EPHA3: variants seen among roughly 807,000 people sequenced by gnomAD.
The protein encoded by EPHA3 is EPH receptor A3.
In EPHA3, 42 loss-of-function variants were observed where a neutral mutation model predicts 107.1. That is an observed-to-expected ratio of 0.39 (90% CI 0.31 to 0.51). EPHA3 has a LOEUF of 0.51. EPHA3 is among the 20% of genes least tolerant of loss of function. The pLI, the probability that EPHA3 is intolerant of heterozygous loss-of-function variation, is 0.78. For missense variants in EPHA3, 1,183 were observed against 1,211.2 expected, an observed-to-expected ratio of 0.98 and a Z score of 0.35; for synonymous variants, 461 against 424.8, an observed-to-expected ratio of 1.09 and a Z score of -1.05.
At chr3:89,299,396 G>C (rs2107343164) in intron 3 of EPHA3, among the ~76,000 whole-genome samples, 1 of 151,844 alleles carries the variant, frequency 6.6e-6, no homozygotes, top group East Asian at 1.9e-4. Context: ...TAAGATGAAT[G>C]AAATTTTAAT....
At chr3:89,195,542 A>G (rs1705818648) in intron 2 of EPHA3, among the ~76,000 whole-genome samples, 1 of 152,288 alleles carries the variant, frequency 6.6e-6, no homozygotes, top group Admixed American at 6.5e-5. Context: ...TTAGCTTAAA[A>G]CCTCAGAGTC....
At chr3:89,121,511 C>A (rs1707384332) in intron 1 of EPHA3, among the ~76,000 whole-genome samples, 1 of 152,044 alleles carries the variant, frequency 6.6e-6, no homozygotes, top group Admixed American at 6.5e-5. Flanking sequence ...GTAATCTCAG[C>A]ACTTTGGGAG....
At chr3:89,140,407 T>C (rs1704406622) in intron 2 of EPHA3, among the ~76,000 whole-genome samples, 1 of 151,842 alleles carries the variant, frequency 6.6e-6, no homozygotes, top group Admixed American at 6.6e-5. Context: ...CTCTAAATTG[T>C]TGGCTTTATT....
chr3:89,345,906 G>T (rs1707639619), intron 5 of EPHA3, among the ~76,000 whole-genome samples: 1 of 145,456 alleles, frequency 6.9e-6, no homozygotes, highest in African/African-American at 2.5e-5. Flanking sequence ...TGAGAATGAT[G>T]ATTTCCAATT....
At chr3:89,151,732 G>T (rs1293363175) in intron 2 of EPHA3, among the ~76,000 whole-genome samples, 1 of 151,936 alleles carries the variant, frequency 6.6e-6, no homozygotes, top group Non-Finnish European at 1.5e-5. Flanking sequence ...AATCAAACAT[G>T]GATATGTGTA....
chr3:89,395,262 C>T (rs1204366477), intron 5 of EPHA3, among the ~76,000 whole-genome samples: 2 of 152,062 alleles, frequency 1.3e-5, no homozygotes, highest in Non-Finnish European at 2.9e-5. Context: ...TGTTCCTTTT[C>T]TTTGTAGTCA....
chr3:89,262,148 C>A (rs1324527830), intron 3 of EPHA3, among the ~76,000 whole-genome samples: 2 of 152,054 alleles, frequency 1.3e-5, no homozygotes, highest in African/African-American at 2.4e-5. Context: ...GTAATATCAA[C>A]TCCAACTGTT....
At chr3:89,412,092 A>G (rs3805091) in intron 9 of EPHA3, among the ~76,000 whole-genome samples, 1 of 151,836 alleles carries the variant, frequency 6.6e-6, no homozygotes, top group Non-Finnish European at 1.5e-5. Flanking sequence ...AATTTCCTTT[A>G]ATTTTAGATC....
chr3:89,151,748 G>C (rs575724621), intron 2 of EPHA3, among the ~76,000 whole-genome samples: 1 of 152,002 alleles, frequency 6.6e-6, no homozygotes, highest in African/African-American at 2.4e-5. Flanking sequence ...GTGTATAAAC[G>C]CACAAATTCT....
chr3:89,293,749 G>A (rs1196456782), intron 3 of EPHA3, among the ~76,000 whole-genome samples: 2 of 152,072 alleles, frequency 1.3e-5, no homozygotes, highest in Admixed American at 6.6e-5. Flanking sequence ...ACGATTGTAA[G>A]TTTCCTGAGG....
intron 3 of EPHA3, among the ~76,000 whole-genome samples, chr3:89,280,025 C>CTG (rs59488710): frequency 0.061 from 8,895 of 144,638 alleles, 319 homozygotes; most frequent in African/African-American, 0.11. Context: ...TTGTGTGCAC[C>CTG]TGTGTGTGTG....
chr3:89,405,723 CTCT>C (rs1197489201), intron 7 of EPHA3, among the ~76,000 whole-genome samples: 1 of 152,126 alleles, frequency 6.6e-6, no homozygotes, highest in Non-Finnish European at 1.5e-5. Context: ...CTAAAATCTG[CTCT>C]TCTTTTGAGT....
intron 16 of EPHA3, among the ~76,000 whole-genome samples, chr3:89,474,967 G>A (rs1211795295): frequency 6.6e-6 from 1 of 152,076 alleles, no homozygotes; most frequent in Non-Finnish European, 1.5e-5. Flanking sequence ...CAGGTGGTAT[G>A]GATATGTCCA....
At chr3:89,443,173 T>C (rs943700374) in intron 13 of EPHA3, among the ~76,000 whole-genome samples, 1 of 152,180 alleles carries the variant, frequency 6.6e-6, no homozygotes, top group Non-Finnish European at 1.5e-5. Flanking sequence ...TTTAATTAAT[T>C]GTATTTTTAG....
intron 5 of EPHA3, among the ~76,000 whole-genome samples, chr3:89,386,563 G>A (rs1708627287): frequency 6.6e-6 from 1 of 152,208 alleles, no homozygotes; most frequent in Non-Finnish European, 1.5e-5. Flanking sequence ...TGCTGCAGGG[G>A]CAGAGCCCTC....
chr3:89,434,846 C>T (rs1709635584), intron 13 of EPHA3, among the ~76,000 whole-genome samples: 1 of 152,064 alleles, frequency 6.6e-6, no homozygotes, highest in Admixed American at 6.6e-5. Flanking sequence ...GCTCATTCAC[C>T]ACCAATAAAT....
chr3:89,252,658 A>AAGTC (rs755965553), intron 3 of EPHA3, among the ~76,000 whole-genome samples: 6 of 152,168 alleles, frequency 3.9e-5, no homozygotes, highest in Non-Finnish European at 8.8e-5. Context: ...TGAGCCCAGG[A>AAGTC]AGTCAAAGGG....
At chr3:89,289,795 G>A (rs377710942) in intron 3 of EPHA3, among the ~76,000 whole-genome samples, 18 of 152,110 alleles carry the variant, frequency 1.2e-4, no homozygotes, top group African/African-American at 4.3e-4. Context: ...AAAAGGCTGC[G>A]ATTCCTACCC....
intron 3 of EPHA3, among the ~76,000 whole-genome samples, chr3:89,284,512 G>A (rs1380347842): frequency 6.6e-6 from 1 of 151,602 alleles, no homozygotes; most frequent in Non-Finnish European, 1.5e-5. Context: ...TTAAAACCTT[G>A]AGTTTGATTT....
Sources: allele counts gnomAD v4.1 joint callset (sites outside exome capture counted in the v4.1 genomes callset), GRCh38; gene constraint gnomAD v4.1.1; transcripts MANE v1.5; gene names NCBI Gene and HGNC (gene_info 2026-07-23, HGNC 2026-07-21).